Variants in ANXA11 observed in about 807,000 individuals in gnomAD.
ANXA11 encodes 56 kDa autoantigen.
In ANXA11, 57 loss-of-function variants were observed where a neutral mutation model predicts 64.7. The ratio of observed to expected loss-of-function variants is 0.88; its 90% CI spans 0.71 to 1.10. The LOEUF is 1.10. Among genes scored for constraint, ANXA11 ranks in the 50% least tolerant of loss-of-function variants. The pLI is 0.00. For missense variants in ANXA11, 675 were observed against 670.7 expected (o/e 1.01, Z -0.07); for synonymous variants, 260 against 265.2 (o/e 0.98, Z 0.19).
chr10:80,203,589 G>C (rs1840538656), intron 1 of ANXA11, among the ~76,000 whole-genome samples: 1 of 152,156 alleles, frequency 6.6e-6, no homozygotes, highest in African/African-American at 2.4e-5. Flanking sequence ...CTGCCACCAA[G>C]AGGTAAGTCA....
At chr10:80,188,588 C>G (rs1358625021) in intron 1 of ANXA11, among the ~76,000 whole-genome samples, 1 of 149,802 alleles carries the variant, frequency 6.7e-6, no homozygotes, top group Non-Finnish European at 1.5e-5. Context: ...TAGCCTGGAG[C>G]CAAGGTCTGG....
intron 1 of ANXA11, among the ~76,000 whole-genome samples, chr10:80,196,835 G>A (rs1257670694): frequency 6.6e-6 from 1 of 152,146 alleles, no homozygotes; most frequent in East Asian, 1.9e-4. Flanking sequence ...CATTAGCCAG[G>A]CTGCACCTCA....
rs751250815 is a variant in ANXA11, at chr10:80,186,300, AG to A, written c.-57-10146del. 8.1e-4 allele frequency among the ~76,000 whole-genome samples: 121 copies of A among 148,924 alleles called. No homozygotes were observed. The Middle Eastern group carries it at 0.01, about 13-fold the overall frequency. On this transcript the variant is annotated intron_variant, in intron 1 of 15. Transcript: ENST00000422982. ...AACTGTGGGGACTGAAGGGGGAAGG[AG>A]GGGGGTAGGAGAGAAACACGGAACT...
At chr10:80,198,580 T>C (rs897364900) in intron 1 of ANXA11, among the ~76,000 whole-genome samples, 1 of 152,256 alleles carries the variant, frequency 6.6e-6, no homozygotes, top group Non-Finnish European at 1.5e-5. Context: ...TCCAAGAATC[T>C]ATGCTTTAAC....
intron 1 of ANXA11, among the ~76,000 whole-genome samples, chr10:80,186,091 G>A (rs970507668): frequency 3.7e-4 from 56 of 152,236 alleles, no homozygotes; most frequent in African/African-American, 1.3e-3. Flanking sequence ...CACCAGCAAC[G>A]CGATCTTGAC....
intron 5 of ANXA11, among the ~76,000 whole-genome samples, chr10:80,168,749 T>C (rs1308435618): frequency 1.3e-5 from 2 of 152,042 alleles, no homozygotes; most frequent in East Asian, 1.9e-4. Flanking sequence ...TTCGCCCAGG[T>C]TGGTCTTGAA....
intron 1 of ANXA11, among the ~76,000 whole-genome samples, chr10:80,180,139 C>A (rs1319660691): frequency 6.6e-6 from 1 of 152,180 alleles, no homozygotes; most frequent in Non-Finnish European, 1.5e-5. Flanking sequence ...TAGCTGGAGT[C>A]CCCTAACACA....
Position 80,151,808 on chromosome 10 carries a change from T to G in ANXA11, c.*4045A>C, listed in dbSNP as rs935396164. ...TGTTCTCTGTGTGAGCACAGTAGTA[T>G]TTAGATAAGCGTTAGATTACAGCAG... On this transcript the variant is annotated 3_prime_UTR_variant, in exon 16 of 16. Coordinates refer to ENST00000422982, the MANE Select transcript of ANXA11 (RefSeq NM_145868.2). 2 of 152,160 alleles carry G rather than the reference T, an allele frequency of 1.3e-5. No individual in the cohort carries two copies. The highest frequency in any genetic ancestry group is 4.8e-5 in the African/African-American group (2 of 41,434). The allele number at this position is 152,160 out of a possible 1,614,324, so 9.4% of individuals were successfully genotyped here.
At chr10:80,176,218 C>G (rs1485064578) in intron 1 of ANXA11, 63 bp from the exon 2 acceptor site, 2 of 152,228 alleles carry the variant, frequency 1.3e-5, no homozygotes, top group African/African-American at 4.8e-5. Flanking sequence ...ACTCCTAAAC[C>G]TCCACCAATG....
chr10:80,172,386 C>T (rs1042041236), intron 3 of ANXA11, among the ~76,000 whole-genome samples: 15 of 152,166 alleles, frequency 9.9e-5, no homozygotes, highest in African/African-American at 2.7e-4. Flanking sequence ...AAGGGGCAAC[C>T]ATCACCTAGC....
intron 1 of ANXA11, among the ~76,000 whole-genome samples, chr10:80,193,553 C>T (rs1250452689): frequency 5.3e-5 from 8 of 151,850 alleles, no homozygotes; most frequent in Non-Finnish European, 1.2e-4. Flanking sequence ...AGAAAGAGAA[C>T]ATTACTTCTG....
chr10:80,185,766 A>C (rs1274824164), intron 1 of ANXA11, among the ~76,000 whole-genome samples: 1 of 152,208 alleles, frequency 6.6e-6, no homozygotes, highest in Non-Finnish European at 1.5e-5. Context: ...GGTTATAGCT[A>C]TTGAATGGCT....
Position 80,202,269 on chromosome 10 carries a change from C to G in ANXA11, c.-58+3074G>C, listed in dbSNP as rs1235796781. Among the ~76,000 whole-genome samples, 5 of 152,046 alleles carry G rather than the reference C, an allele frequency of 3.3e-5. No homozygotes were observed. The East Asian group carries it at 9.7e-4, about 29-fold the overall frequency. Reference sequence around the variant, plus strand: ...TACCTAGCACAGAGAACTCTGTCCCCCAATTTCTTAGTTGCCCCCACCCAT... The same window carrying G: ...TACCTAGCACAGAGAACTCTGTCCCGCAATTTCTTAGTTGCCCCCACCCAT... On this transcript the variant is annotated intron_variant, in intron 1 of 15. Transcript: ENST00000422982.
chr10:80,166,296 G>C, intron 7 of ANXA11, 99 bp from the exon 8 acceptor site: 1 of 691,076 alleles, frequency 1.4e-6, no homozygotes, highest in Non-Finnish European at 2.5e-6. Flanking sequence ...CCAGATTTGA[G>C]GAACAGCAGC....
chr10:80,166,010 C>G (rs1845703703), intron 8 of ANXA11, 74 bp downstream of exon 8: 3 of 879,862 alleles, frequency 3.4e-6, no homozygotes, highest in Non-Finnish European at 5.3e-6. Flanking sequence ...GGCTGTGTGT[C>G]CACACGCATG....
At chr10:80,166,861 C>T (rs371004962) in intron 7 of ANXA11, 29 bp downstream of exon 7, 2 of 1,548,998 alleles carry the variant, frequency 1.3e-6, no homozygotes, top group Admixed American at 1.8e-5. Context: ...ACACGCCTCA[C>T]TGTCCCGCGC....
At chr10:80,165,104 G>C (rs1299956294) in intron 8 of ANXA11, among the ~76,000 whole-genome samples, 1 of 152,216 alleles carries the variant, frequency 6.6e-6, no homozygotes, top group Non-Finnish European at 1.5e-5. Context: ...GGAGATGTCT[G>C]GGTCCACTCC....
intron 1 of ANXA11, among the ~76,000 whole-genome samples, chr10:80,188,210 G>A (rs991797252): frequency 5.9e-5 from 9 of 151,752 alleles, no homozygotes; most frequent in Non-Finnish European, 1.2e-4. Context: ...AAACATCACA[G>A]GACAGTCACA....
In ANXA11 at chr10:80,191,303, G is replaced by A. The variant is rs563182698; in HGVS notation, c.-58+14040C>T. Among the ~76,000 whole-genome samples the A allele has an allele frequency of 7.2e-5, 11 of 152,178 alleles. No homozygotes were observed. In the East Asian group the frequency reaches 1.9e-3, roughly 27 times the overall value. The stretch of plus-strand genomic sequence containing the variant: ...CTGTAGTCCCAGCTACTCAGGAATT[G>A]CTTAAACCCAGGAGCTACAGGTTGC... On this transcript the variant is annotated intron_variant, in intron 1 of 15. Transcript: ENST00000422982.
Sources: gnomAD v4.1 joint callset for allele counts (sites outside exome capture counted in the v4.1 genomes callset) on GRCh38, gnomAD v4.1.1 for gene constraint, MANE v1.5 for transcripts, NCBI Gene and HGNC (gene_info 2026-07-23, HGNC 2026-07-21) for gene names.